The following SLIT1 variants were observed in gnomAD, a reference collection of about 807,000 sequenced individuals.
SLIT1 encodes the protein slit homolog 1 protein.
In SLIT1, 66 loss-of-function variants were observed where a neutral mutation model predicts 186.1. The ratio of observed to expected loss-of-function variants is 0.35; its 90% CI spans 0.29 to 0.44. The LOEUF is 0.44. Among genes scored for constraint, SLIT1 ranks in the 20% least tolerant of loss-of-function variants. The pLI, the probability that SLIT1 is intolerant of heterozygous loss-of-function variation, is 1.00. For synonymous variants in SLIT1, 761 were observed against 833.8 expected (o/e 0.91, Z 1.50); for missense variants, 1,638 against 2,037.4 (o/e 0.80, Z 3.77).
intron 4 of SLIT1, among the ~76,000 whole-genome samples, chr10:97,134,500 A>C (rs1467987462): frequency 6.6e-6 from 1 of 151,948 alleles, no homozygotes; most frequent in African/African-American, 2.4e-5. Context: ...CCGAGTCTCC[A>C]TTCAAGCCTG....
At chr10:97,031,221 T>G (rs542889591) in intron 24 of SLIT1, among the ~76,000 whole-genome samples, 65 of 152,262 alleles carry the variant, frequency 4.3e-4, no homozygotes, top group African/African-American at 1.5e-3. Context: ...TCATAATGGA[T>G]GGACTGAGGG....
At chr10:97,034,948 G>C (rs1450858938) in intron 22 of SLIT1, among the ~76,000 whole-genome samples, 2 of 152,200 alleles carry the variant, frequency 1.3e-5, no homozygotes, top group African/African-American at 4.8e-5. Context: ...AGTCCTATGA[G>C]GGAGAGGGCA....
chr10:97,173,094 T>C lies in SLIT1; in HGVS notation c.198-8204A>G, dbSNP rs763429540. On this transcript the variant is annotated intron_variant, in intron 1 of 36. Transcript: ENST00000266058. The stretch of plus-strand genomic sequence containing the variant: ...TTCCAGGTCCTTCCATTCTCATAAG[T>C]GAGCCCAATATGAGCAAGGAAATAG... Among the ~76,000 whole-genome samples the C allele has an allele frequency of 3.9e-5, 6 of 152,144 alleles. No individual in the cohort carries two copies. The South Asian group carries it at 6.2e-4, about 16-fold the overall frequency.
chr10:97,065,953 G>A, intron 5 of SLIT1, 62 bp downstream of exon 5: 1 of 1,258,034 alleles, frequency 7.9e-7, no homozygotes, highest in Non-Finnish European at 1.1e-6. Context: ...GATACCCTGA[G>A]GATGCTGCCA....
Position 96,998,975 on chromosome 10 carries a change from G to A in SLIT1, c.*2137C>T, listed in dbSNP as rs983429938. ...GGCTTCTCCAGGGTGGTGGGGAATG[G>A]TGGTGGCCAGGAAAGCTATCTTTCT... On this transcript the variant is annotated 3_prime_UTR_variant, in exon 37 of 37. Coordinates refer to ENST00000266058, the MANE Select transcript of SLIT1 (RefSeq NM_003061.3). The A allele has an allele frequency of 6.6e-6, 1 of 152,316 alleles. No homozygotes were observed. The highest frequency in any genetic ancestry group is 2.4e-5 in the African/African-American group (1 of 41,454). 9.4% of individuals were successfully genotyped at this position (152,316 alleles called of 1,614,324 possible).
intron 24 of SLIT1, 142 bp from the exon 25 acceptor site, chr10:97,030,970 G>C: frequency 1.4e-6 from 1 of 697,358 alleles, no homozygotes; most frequent in Non-Finnish European, 2.6e-6. Flanking sequence ...GAAGGAGATG[G>C]CCCCTAGCTC....
intron 1 of SLIT1, among the ~76,000 whole-genome samples, chr10:97,167,587 C>T (rs1316781898): frequency 6.6e-6 from 1 of 152,186 alleles, no homozygotes; most frequent in Non-Finnish European, 1.5e-5. Context: ...TTTCTCTTGA[C>T]AACAAAAGTT....
Position 97,019,121 on chromosome 10 carries a change from A to C in SLIT1, c.2747-14T>G. On this transcript the variant is annotated splice_polypyrimidine_tract_variant and intron_variant, in intron 26 of 36. Coordinates refer to ENST00000266058, the MANE Select transcript of SLIT1 (RefSeq NM_003061.3). ...GCGTTGGAGGACCTGCAGCAAGGGG[A>C]GGGTGCTAGTGCAGGGGGAGGGGTG... 2 of 1,030,002 alleles carry C rather than the reference A, an allele frequency of 1.9e-6. No individual in the cohort carries two copies. The highest frequency in any genetic ancestry group is 2.9e-6 in the Non-Finnish European group (2 of 687,618). 63.8% of individuals were successfully genotyped at this position (1,030,002 alleles called of 1,614,324 possible). A position where few individuals can be genotyped will look rare whatever the true frequency, so the allele number is the denominator to read the frequency against.
At chr10:97,072,213 C>T (rs749570785) in intron 4 of SLIT1, among the ~76,000 whole-genome samples, 4 of 152,206 alleles carry the variant, frequency 2.6e-5, no homozygotes, top group Non-Finnish European at 4.4e-5. Flanking sequence ...GGCTGGAGTG[C>T]AGTCACTCAA....
intron 13 of SLIT1, among the ~76,000 whole-genome samples, chr10:97,055,324 G>A (rs1339512864): frequency 1.3e-5 from 2 of 152,098 alleles, no homozygotes; most frequent in African/African-American, 4.8e-5. Flanking sequence ...ATACAGGATT[G>A]GAAGCTGGGT....
intron 21 of SLIT1, 114 bp from the exon 22 acceptor site, chr10:97,037,880 T>C (rs1172270474): frequency 5.3e-6 from 4 of 749,890 alleles, no homozygotes; most frequent in Non-Finnish European, 8.8e-6. Flanking sequence ...CTCCTCCACA[T>C]AGGCCACACG....
In SLIT1 at chr10:97,010,847, A is replaced by G. The variant is rs1848404057; in HGVS notation, c.3341+146T>C. ...CTTTCCCAAGGCTGCACAGCTGGTGACTGGCAGAGCCACGGTTAAAACCCC... is the reference window on the plus strand; with the variant it reads ...CTTTCCCAAGGCTGCACAGCTGGTGGCTGGCAGAGCCACGGTTAAAACCCC... On this transcript the variant is annotated intron_variant, in intron 31 of 36. Transcript: ENST00000266058. This position sits in a 1 kb window ranked among gnomAD's most constrained non-coding sequence, Gnocchi z 4.8. 4.0e-5 allele frequency: 29 copies of G among 721,876 alleles called. No homozygotes were observed. The South Asian group carries it at 5.3e-4, about 13-fold the overall frequency. 44.7% of individuals were successfully genotyped at this position (721,876 alleles called of 1,614,324 possible).
At position 97,060,627 on chromosome 10, in the gene SLIT1, G is replaced by C. The variant is rs762366900; in HGVS notation, c.941+13C>G. ...AGGGCTGTGCCCCAGCATCTGCCCT[G>C]CCCCGTACTCACATCTCCGTCATGG... On this transcript the variant is annotated intron_variant, in intron 9 of 36. Coordinates refer to ENST00000266058, the MANE Select transcript of SLIT1 (RefSeq NM_003061.3). 1.8e-5 allele frequency: 29 copies of C among 1,612,154 alleles called. No homozygotes were observed. The African/African-American group carries it at 3.3e-4, about 19-fold the overall frequency.
rs115436352 is a variant in SLIT1 at position 97,138,579 on chromosome 10, G to A, written c.413+19239C>T. Reference sequence around the variant, plus strand: ...CAGGCCTTGCTTACACAAGTTTCCCGTAAGGATCTGCTCAAAATTATTTCC... The same window carrying A: ...CAGGCCTTGCTTACACAAGTTTCCCATAAGGATCTGCTCAAAATTATTTCC... On this transcript the variant is annotated intron_variant, in intron 4 of 36. Coordinates refer to ENST00000266058, the MANE Select transcript of SLIT1 (RefSeq NM_003061.3). Among the ~76,000 whole-genome samples the A allele has an allele frequency of 3.9e-3, 595 of 152,266 alleles. 3 individuals are homozygous for A. The highest frequency in any genetic ancestry group is 0.011 in the African/African-American group (457 of 41,548).
chr10:97,057,388 A>T (rs1409895900), intron 11 of SLIT1, 107 bp from the exon 12 acceptor site: 2 of 764,744 alleles, frequency 2.6e-6, no homozygotes, highest in Non-Finnish European at 4.5e-6. Flanking sequence ...AGCCATTTAC[A>T]TGGAGCACAT....
chr10:97,042,848 A>C, intron 20 of SLIT1, 53 bp downstream of exon 20: 2 of 1,583,216 alleles, frequency 1.3e-6, no homozygotes, highest in South Asian at 1.2e-5. Flanking sequence ...GCCCCACCCC[A>C]CTGGTTGGAC....
chr10:97,140,441 A>G (rs1849746474), intron 4 of SLIT1, among the ~76,000 whole-genome samples: 1 of 152,056 alleles, frequency 6.6e-6, no homozygotes, highest in East Asian at 1.9e-4. Flanking sequence ...CTTTAGTAAA[A>G]CAAACCCGCC....
chr10:97,067,000 C>T (rs1848953402), intron 4 of SLIT1, among the ~76,000 whole-genome samples: 2 of 152,322 alleles, frequency 1.3e-5, no homozygotes, highest in South Asian at 4.1e-4. Flanking sequence ...TTATGCTGAG[C>T]AAGCTGACTC....
At chr10:97,106,876 T>C (rs1849420289) in intron 4 of SLIT1, among the ~76,000 whole-genome samples, 1 of 152,180 alleles carries the variant, frequency 6.6e-6, no homozygotes, top group Non-Finnish European at 1.5e-5. Context: ...GGCATAATGC[T>C]CTTTGGGAGA....
Sources: allele counts gnomAD v4.1 joint callset (sites outside exome capture counted in the v4.1 genomes callset), GRCh38; gene constraint gnomAD v4.1.1; non-coding constraint Gnocchi (gnomAD v3.1); transcripts MANE v1.5; gene names NCBI Gene and HGNC (gene_info 2026-07-23, HGNC 2026-07-21).